PRKAR2B: variants seen among roughly 807,000 people sequenced by gnomAD.
PRKAR2B encodes cAMP-dependent protein kinase type II-beta regulatory subunit.
Under a neutral mutation model 49.9 loss-of-function variants are expected in PRKAR2B, and 14 were observed. That is an observed-to-expected ratio of 0.28 (90% CI 0.19 to 0.44). The LOEUF is 0.44. Among genes scored for constraint, PRKAR2B ranks in the 20% least tolerant of loss-of-function variants. The pLI, the probability that PRKAR2B is intolerant of heterozygous loss-of-function variation, is 1.00. For synonymous variants in PRKAR2B, 196 were observed against 197.7 expected, an observed-to-expected ratio of 0.99 and a Z score of 0.07; for missense variants, 393 against 537.9, an observed-to-expected ratio of 0.73 and a Z score of 2.67.
chr7:107,123,150 A>G (rs1419710197), intron 3 of PRKAR2B, among the ~76,000 whole-genome samples: 1 of 152,208 alleles, frequency 6.6e-6, no homozygotes, highest in East Asian at 1.9e-4. Context: ...AAATTTAGTA[A>G]TTGAGATCAG....
intron 1 of PRKAR2B, among the ~76,000 whole-genome samples, chr7:107,061,903 A>T (rs1278956426): frequency 6.6e-6 from 1 of 152,176 alleles, no homozygotes; most frequent in Admixed American, 6.5e-5. Flanking sequence ...TCTCGGAAAA[A>T]AAAGAAGACA....
At chr7:107,058,499 TAATTTATTTTTAGAAG>T (rs1272125855) in intron 1 of PRKAR2B, among the ~76,000 whole-genome samples, 1 of 152,210 alleles carries the variant, frequency 6.6e-6, no homozygotes, top group East Asian at 1.9e-4. Flanking sequence ...AAATTGCTAA[TAATTTATTTTTAGAAG>T]AAAATAAAGA....
rs142666034 is a variant in PRKAR2B at position 107,103,271 on chromosome 7, C to T, written c.344-18681C>T. ...AACAATGTTATAGTAAAACTGAGAA[C>T]CTTATTTCTAATAAAAATTAAAACA... On this transcript the variant is annotated intron_variant, in intron 2 of 10. Coordinates refer to ENST00000265717, the MANE Select transcript of PRKAR2B (RefSeq NM_002736.3). Among the ~76,000 whole-genome samples, 103 of 152,152 alleles carry T rather than the reference C, an allele frequency of 6.8e-4. 2 individuals carry two copies. In the East Asian group the frequency reaches 0.019, roughly 27 times the overall value.
intron 8 of PRKAR2B, among the ~76,000 whole-genome samples, chr7:107,154,907 A>G (rs983351253): frequency 6.6e-6 from 1 of 152,224 alleles, no homozygotes; most frequent in African/African-American, 2.4e-5. Flanking sequence ...GTAGGCTAGC[A>G]TGTCAGAGTT....
In PRKAR2B at chr7:107,045,105, G is replaced by A. The variant is rs1439094830; in HGVS notation, c.198G>A (p.Gly66=). The A allele has an allele frequency of 6.5e-7, 1 of 1,527,360 alleles. No individual in the cohort carries two copies. Among genetic ancestry groups the A allele is most frequent in the Non-Finnish European group, 8.8e-7 (1 of 1,139,830 alleles). The allele number at this position is 1,527,360 out of a possible 1,614,324, so 94.6% of individuals were successfully genotyped here. Residue 66 remains glycine, a synonymous_variant, in exon 1 of 11, where the codon GGG becomes GGA. Transcript: ENST00000265717. ...RTWGDLGAAA[G]GGTPSKGVNF... ...GGGGGGACCTGGGCGCCGCTGCCGGGGGCGGCACCCCCAGCAAGGGGGTCA... is the reference window on the plus strand; with the variant it reads ...GGGGGGACCTGGGCGCCGCTGCCGGAGGCGGCACCCCCAGCAAGGGGGTCA...
intron 2 of PRKAR2B, among the ~76,000 whole-genome samples, chr7:107,102,699 C>T (rs1435834631): frequency 2.0e-5 from 3 of 152,126 alleles, no homozygotes; most frequent in Non-Finnish European, 4.4e-5. Flanking sequence ...GAGACAGAGC[C>T]TCGCTCTGTC....
chr7:107,148,429 A>C (rs1057032806), intron 6 of PRKAR2B, among the ~76,000 whole-genome samples: 1 of 152,190 alleles, frequency 6.6e-6, no homozygotes, highest in Non-Finnish European at 1.5e-5. Context: ...AGAATTTCCT[A>C]GTGCACGTAC....
chr7:107,094,731 A>G (rs930928405), intron 2 of PRKAR2B, among the ~76,000 whole-genome samples: 33 of 152,106 alleles, frequency 2.2e-4, no homozygotes, highest in Admixed American at 8.5e-4. Flanking sequence ...CATATGGCTA[A>G]CCAGTTTCCC....
At chr7:107,146,208 G>T in intron 5 of PRKAR2B, 100 bp from the exon 6 acceptor site, 1 of 1,234,826 alleles carries the variant, frequency 8.1e-7, no homozygotes, top group South Asian at 1.5e-5. Flanking sequence ...ATAACAGGCT[G>T]GAAATAAGAT....
chr7:107,129,322 G>A (rs1307558305), intron 4 of PRKAR2B, among the ~76,000 whole-genome samples: 3 of 152,088 alleles, frequency 2.0e-5, no homozygotes, highest in Admixed American at 6.5e-5. Context: ...CACACATTAC[G>A]AGTTTGTATG....
intron 2 of PRKAR2B, among the ~76,000 whole-genome samples, chr7:107,077,551 C>T (rs1281155003): frequency 6.6e-6 from 1 of 152,188 alleles, no homozygotes; most frequent in Non-Finnish European, 1.5e-5. Context: ...AGTCCATTTT[C>T]ACCATATGTT....
intron 1 of PRKAR2B, among the ~76,000 whole-genome samples, chr7:107,057,555 G>A (rs951110873): frequency 1.3e-5 from 2 of 152,134 alleles, no homozygotes; most frequent in Non-Finnish European, 2.9e-5. Flanking sequence ...TTTTTTAAGA[G>A]TGTGATTTCA....
intron 2 of PRKAR2B, among the ~76,000 whole-genome samples, chr7:107,080,261 TGC>T (rs1794490488): frequency 6.6e-6 from 1 of 152,136 alleles, no homozygotes; most frequent in Non-Finnish European, 1.5e-5. Flanking sequence ...TCCCACTGTG[TGC>T]AGGAAGTGGT....
At chr7:107,088,756 C>T (rs1237925827) in intron 2 of PRKAR2B, among the ~76,000 whole-genome samples, 2 of 152,074 alleles carry the variant, frequency 1.3e-5, no homozygotes, top group East Asian at 1.9e-4. Context: ...TGTGTTACCA[C>T]GCCCGGCTAA....
intron 1 of PRKAR2B, among the ~76,000 whole-genome samples, chr7:107,053,602 T>C (rs1010592119): frequency 6.6e-6 from 1 of 151,318 alleles, no homozygotes; most frequent in Non-Finnish European, 1.5e-5. Flanking sequence ...GGTAAGTTAA[T>C]TGACTCAACA....
At chr7:107,128,619 G>A (rs1198851283) in intron 4 of PRKAR2B, among the ~76,000 whole-genome samples, 1 of 152,146 alleles carries the variant, frequency 6.6e-6, no homozygotes, top group Non-Finnish European at 1.5e-5. Context: ...AAAGATGGTA[G>A]GAACTTGCCC....
At chr7:107,121,104 G>A (rs1031982931) in intron 2 of PRKAR2B, among the ~76,000 whole-genome samples, 2 of 151,434 alleles carry the variant, frequency 1.3e-5, no homozygotes, top group African/African-American at 4.8e-5. Flanking sequence ...TGTACAGTTA[G>A]GGGGGTCTTA....
Position 107,126,219 on chromosome 7 carries a change from C to A in PRKAR2B, c.397-1993C>A, listed in dbSNP as rs187386760. On this transcript the variant is annotated intron_variant, in intron 3 of 10. Transcript: ENST00000265717. The stretch of plus-strand genomic sequence containing the variant: ...CCATCCTGGCTAACATGGTGAAAAC[C>A]CGTCTCTACTAAAAATACAAAATAC... Among the ~76,000 whole-genome samples, 291 of 147,158 alleles carry A rather than the reference C, an allele frequency of 2.0e-3. 2 individuals are homozygous for A. Among genetic ancestry groups the A allele is most frequent in the African/African-American group, 6.9e-3 (276 of 39,794 alleles).
At chr7:107,117,935 G>A (rs1795311799) in intron 2 of PRKAR2B, among the ~76,000 whole-genome samples, 1 of 152,142 alleles carries the variant, frequency 6.6e-6, no homozygotes, top group African/African-American at 2.4e-5. Flanking sequence ...ATACATATAT[G>A]CACAACAAAA....
Sources: allele counts gnomAD v4.1 joint callset (sites outside exome capture counted in the v4.1 genomes callset), GRCh38; gene constraint gnomAD v4.1.1; transcripts MANE v1.5; gene names NCBI Gene and HGNC (gene_info 2026-07-23, HGNC 2026-07-21).